The following PGS1 variants were observed in gnomAD, a reference collection of about 807,000 sequenced individuals.
The protein encoded by PGS1 is phosphatidylglycerophosphate synthase 1.
A neutral mutation model predicts 58.3 loss-of-function variants in PGS1; 44 were observed. That is an observed-to-expected ratio of 0.75 (90% CI 0.59 to 0.97). The LOEUF (loss-of-function observed/expected upper bound fraction) is 0.97, where lower values mean the gene tolerates loss of function less well. Ranked by LOEUF, PGS1 falls within the 50% of genes least tolerant of loss-of-function variation. The pLI is 0.00. For missense variants in PGS1, 684 were observed against 731.1 expected (o/e 0.94, Z 0.74); for synonymous variants, 330 against 311.0 (o/e 1.06, Z -0.64).
chr17:78,418,423 G>A (rs768947205), intron 8 of PGS1, among the ~76,000 whole-genome samples: 14 of 152,074 alleles, frequency 9.2e-5, no homozygotes, highest in African/African-American at 1.4e-4. Context: ...CGATTCTGTC[G>A]TGTGTGTGTA....
chr17:78,423,742 A>G (rs1033553098), intron 9 of PGS1: 43 of 914,274 alleles, frequency 4.7e-5, no homozygotes, highest in Non-Finnish European at 6.4e-5. Context: ...TTCCACACCA[A>G]CCTCCACCCT....
At chr17:78,413,480 C>G (rs546304246) in intron 7 of PGS1, among the ~76,000 whole-genome samples, 1 of 152,244 alleles carries the variant, frequency 6.6e-6, no homozygotes, top group Non-Finnish European at 1.5e-5. Context: ...CTGCTCACAC[C>G]ACTTAAACTT....
At chr17:78,391,780 C>T (rs796182137) in intron 1 of PGS1, among the ~76,000 whole-genome samples, 5 of 152,084 alleles carry the variant, frequency 3.3e-5, no homozygotes, top group African/African-American at 1.2e-4. Context: ...ACCCAGCCTG[C>T]CCAGCTAATT....
Position 78,380,940 on chromosome 17 carries a change from G to A in PGS1, c.143+2132G>A, listed in dbSNP as rs1400381573. 3.9e-5 allele frequency: 6 copies of A among 151,930 alleles called. No homozygotes were observed. In the East Asian group the frequency reaches 1.2e-3, roughly 29 times the overall value. 9.4% of individuals were successfully genotyped at this position (151,930 alleles called of 1,614,324 possible). ...GGCTCAGTGCAACCTCTACCTCGTGGGTTCAAGTGATTCTCCTGCCTCAGC... is the reference window on the plus strand; with the variant it reads ...GGCTCAGTGCAACCTCTACCTCGTGAGTTCAAGTGATTCTCCTGCCTCAGC... On this transcript the variant is annotated intron_variant, in intron 1 of 9. Transcript: ENST00000262764.
rs1416693319 is a variant in PGS1 at position 78,396,914 on chromosome 17, G to A, written c.411+529G>A. ...GTGGCAGAACGGGGTAGTTGTGACA[G>A]TGCCCATTTGGCCCGTAAAGCTCCA... On this transcript the variant is annotated intron_variant, in intron 3 of 9. Coordinates refer to ENST00000262764, the MANE Select transcript of PGS1 (RefSeq NM_024419.5). Among the ~76,000 whole-genome samples, 6 of 152,358 alleles carry A rather than the reference G, an allele frequency of 3.9e-5. No homozygotes were observed. The East Asian group carries it at 9.6e-4, about 24-fold the overall frequency.
At chr17:78,394,936 C>T (rs1176129057) in intron 2 of PGS1, among the ~76,000 whole-genome samples, 2 of 152,202 alleles carry the variant, frequency 1.3e-5, no homozygotes, top group East Asian at 1.9e-4. Flanking sequence ...ACATAGTGAT[C>T]CCCTGGCCAG....
At chr17:78,421,901 GGGCGGCGGGC>G (rs1276133734) in intron 9 of PGS1, 3 of 95,960 alleles carry the variant, frequency 3.1e-5, no homozygotes, top group South Asian at 2.8e-4. Context: ...AGAGAGCAGC[GGGCGGCGGGC>G]GGCGGCCGCC....
chr17:78,399,475 C>T lies in PGS1; in HGVS notation c.639C>T (p.Asn213=), dbSNP rs757502981. Residue 213 remains asparagine, a synonymous_variant, in exon 5 of 10, where the codon AAC becomes AAT. Coordinates refer to ENST00000262764, the MANE Select transcript of PGS1 (RefSeq NM_024419.5). ...LLRLLIPERF[N]ETIGLQHIKV... is the part of the protein sequence containing the mutation. ...GGCTCCTCATCCCTGAGCGCTTCAACGAGACCATCGGCCTCCAGCACATTA... is the reference window on the plus strand; with the variant it reads ...GGCTCCTCATCCCTGAGCGCTTCAATGAGACCATCGGCCTCCAGCACATTA... The T allele has an allele frequency of 4.0e-5, 64 of 1,614,082 alleles. No individual in the cohort carries two copies. Among genetic ancestry groups the T allele is most frequent in the Admixed American group, 2.2e-4 (13 of 60,012 alleles).
intron 7 of PGS1, 33 bp from the exon 8 acceptor site, chr17:78,414,846 A>C: frequency 6.2e-7 from 1 of 1,610,804 alleles, no homozygotes; most frequent in Non-Finnish European, 8.5e-7. Context: ...TGCTGTGCTC[A>C]TTTCCTGTCT....
intron 8 of PGS1, among the ~76,000 whole-genome samples, chr17:78,418,558 G>T (rs1452630283): frequency 1.3e-5 from 2 of 152,056 alleles, no homozygotes; most frequent in East Asian, 3.9e-4. Flanking sequence ...GGTGAATGCT[G>T]GTTTGTCATA....
chr17:78,417,741 C>T (rs2085319329), intron 8 of PGS1, among the ~76,000 whole-genome samples: 1 of 151,368 alleles, frequency 6.6e-6, no homozygotes, highest in African/African-American at 2.4e-5. Flanking sequence ...GTAGGTATGG[C>T]CCGGACATTA....
intron 7 of PGS1, among the ~76,000 whole-genome samples, chr17:78,412,331 A>G (rs943046011): frequency 2.6e-5 from 4 of 152,168 alleles, no homozygotes; most frequent in African/African-American, 4.8e-5. Context: ...AGTCTCAGGT[A>G]TGTTGAAAAC....
intron 8 of PGS1, 114 bp from the exon 9 acceptor site, chr17:78,419,432 A>G: frequency 3.4e-6 from 3 of 877,570 alleles, no homozygotes; most frequent in African/African-American, 1.6e-5. Flanking sequence ...CCAGGTAGAC[A>G]TGGGAAGTCA....
chr17:78,406,485 C>T (rs897190753), intron 7 of PGS1, among the ~76,000 whole-genome samples: 1 of 152,190 alleles, frequency 6.6e-6, no homozygotes, highest in Non-Finnish European at 1.5e-5. Flanking sequence ...CTGGCATGTC[C>T]AGGGCATCCC....
chr17:78,408,756 C>G (rs1177649207), intron 7 of PGS1, among the ~76,000 whole-genome samples: 2 of 152,202 alleles, frequency 1.3e-5, no homozygotes, highest in Admixed American at 1.3e-4. Flanking sequence ...GGTTGGATCT[C>G]AGGCAGGTGG....
intron 4 of PGS1, among the ~76,000 whole-genome samples, chr17:78,398,845 C>T (rs2146196493): frequency 6.6e-6 from 1 of 152,312 alleles, no homozygotes; most frequent in East Asian, 1.9e-4. Flanking sequence ...TTAGGCTTGT[C>T]TCCCCATGAC....
At chr17:78,391,116 A>G (rs150009658) in intron 1 of PGS1, among the ~76,000 whole-genome samples, 1,689 of 151,374 alleles carry the variant, frequency 0.011, 18 homozygotes, top group Non-Finnish European at 0.019. Flanking sequence ...ATTTTTTTGT[A>G]TTTTTATTTT....
intron 2 of PGS1, 89 bp from the exon 3 acceptor site, chr17:78,396,219 G>A: frequency 1.1e-6 from 1 of 919,900 alleles, no homozygotes. Context: ...AGCTTGGAGT[G>A]GGATTTGCCT....
At chr17:78,379,672 A>C (rs1270547526) in intron 1 of PGS1, among the ~76,000 whole-genome samples, 1 of 151,698 alleles carries the variant, frequency 6.6e-6, no homozygotes, top group Non-Finnish European at 1.5e-5. Context: ...AAAAATACAA[A>C]ATTAGCTGGG....
Sources: allele counts gnomAD v4.1 joint callset (sites outside exome capture counted in the v4.1 genomes callset), GRCh38; gene constraint gnomAD v4.1.1; transcripts MANE v1.5; gene names NCBI Gene and HGNC (gene_info 2026-07-23, HGNC 2026-07-21).